OPN5: variants seen among roughly 807,000 people sequenced by gnomAD.
OPN5 encodes opsin 5, also known as opsin-5.
In OPN5, 18 loss-of-function variants were observed where a neutral mutation model predicts 41.7. That is an observed-to-expected ratio of 0.43 (90% CI 0.30 to 0.64). The LOEUF (loss-of-function observed/expected upper bound fraction) is 0.64, where lower values mean the gene tolerates loss of function less well. OPN5 is among the 30% of genes least tolerant of loss of function. The probability of loss-of-function intolerance (pLI) is 0.13; values close to 1 mark genes in which losing one functional copy is unlikely to be tolerated. For synonymous variants in OPN5, 178 were observed against 164.3 expected (o/e 1.08, Z -0.64); for missense variants, 318 against 434.5 (o/e 0.73, Z 2.38).
intron 2 of OPN5, among the ~76,000 whole-genome samples, chr6:47,790,567 G>A (rs1773338405): frequency 6.6e-6 from 1 of 152,052 alleles, no homozygotes; most frequent in African/African-American, 2.4e-5. Context: ...GGTTTCTTAA[G>A]GACTTTTTAT....
chr6:47,814,262 T>G lies in OPN5; in HGVS notation c.1056+2531T>G, dbSNP rs368874476. On this transcript the variant is annotated intron_variant, in intron 6 of 6. Transcript: ENST00000371211. ...GAAAAGGAGAAAAGAACACTCAGGT[T>G]GGTGTAGATTTGTCTAGAAGGTGGA... Among the ~76,000 whole-genome samples, 7 of 152,004 alleles carry G rather than the reference T, an allele frequency of 4.6e-5. No homozygotes were observed. In the South Asian group the frequency reaches 8.3e-4, roughly 18 times the overall value.
chr6:47,806,960 C>G (rs1239263274), intron 4 of OPN5, among the ~76,000 whole-genome samples: 2 of 152,118 alleles, frequency 1.3e-5, no homozygotes, highest in Non-Finnish European at 2.9e-5. Context: ...GAGTTCGAGA[C>G]CAGCCTGGCC....
chr6:47,807,224 TAA>T (rs1774004475), intron 4 of OPN5, among the ~76,000 whole-genome samples: 1 of 152,168 alleles, frequency 6.6e-6, no homozygotes, highest in African/African-American at 2.4e-5. Context: ...GCCACTTAAA[TAA>T]TATTCAGCCT....
At chr6:47,799,108 C>CT (rs1402632724) in intron 4 of OPN5, among the ~76,000 whole-genome samples, 3 of 151,466 alleles carry the variant, frequency 2.0e-5, no homozygotes, top group African/African-American at 7.3e-5. Flanking sequence ...TACTTTGTAG[C>CT]TTTTTTCTAA....
At chr6:47,802,178 C>G (rs1283297028) in intron 4 of OPN5, among the ~76,000 whole-genome samples, 1 of 152,144 alleles carries the variant, frequency 6.6e-6, no homozygotes, top group African/African-American at 2.4e-5. Context: ...TGGGCACCAG[C>G]CCTCAGTGTG....
At chr6:47,817,856 C>T (rs570544591) in intron 6 of OPN5, among the ~76,000 whole-genome samples, 3 of 152,050 alleles carry the variant, frequency 2.0e-5, no homozygotes, top group Non-Finnish European at 4.4e-5. Context: ...GTATGTTTCA[C>T]CCTCAGGACA....
At chr6:47,795,422 C>G (rs1773516906) in exon 4 of OPN5, 1 of 1,614,190 alleles carries the variant, frequency 6.2e-7, no homozygotes, top group Non-Finnish European at 8.5e-7. Flanking sequence ...ACATCCTCTT[C>G]TTCTGCCTCT....
intron 4 of OPN5, among the ~76,000 whole-genome samples, chr6:47,797,660 A>G (rs1458182866): frequency 6.6e-6 from 1 of 152,216 alleles, no homozygotes; most frequent in African/African-American, 2.4e-5. Flanking sequence ...TACTTTGCAT[A>G]CAGTTGCTGA....
intron 5 of OPN5, among the ~76,000 whole-genome samples, chr6:47,810,769 G>A (rs1428483171): frequency 6.6e-6 from 1 of 152,166 alleles, no homozygotes; most frequent in Non-Finnish European, 1.5e-5. Flanking sequence ...AACAAATGTG[G>A]CCAAGAGCTC....
At chr6:47,792,042 T>G (rs1303596344) in intron 3 of OPN5, 70 bp downstream of exon 3, 13 of 1,043,166 alleles carry the variant, frequency 1.2e-5, no homozygotes, top group Non-Finnish European at 1.7e-5. Context: ...CTGTACATAT[T>G]TTATGCAGGT....
At chr6:47,792,989 T>TC (rs1252001444) in intron 3 of OPN5, among the ~76,000 whole-genome samples, 1 of 151,398 alleles carries the variant, frequency 6.6e-6, no homozygotes, top group Non-Finnish European at 1.5e-5. Context: ...TACGTTTTTT[T>TC]TTTTTTTTTT....
At chr6:47,787,051 A>T in intron 2 of OPN5, 1 of 988,820 alleles carries the variant, frequency 1.0e-6, no homozygotes, top group South Asian at 4.7e-5. Flanking sequence ...CTTGAAGGGT[A>T]AATGACAGTT....
rs537936625 is a variant in OPN5 at position 47,784,557 on chromosome 6, CAA to C, written c.131-1956_131-1955del. 2.4e-4 allele frequency among the ~76,000 whole-genome samples: 37 copies of C among 152,200 alleles called. No homozygotes were observed. In the South Asian group the frequency reaches 7.7e-3, roughly 32 times the overall value. ...AAGTGATTTGCCCACCTCAGCCTCCCAAAGTGTTGGGATTACAGGCGTGAGCC... is the reference window on the plus strand; with the variant it reads ...AAGTGATTTGCCCACCTCAGCCTCCCAGTGTTGGGATTACAGGCGTGAGCC... On this transcript the variant is annotated intron_variant, in intron 1 of 6. Transcript: ENST00000371211.
intron 4 of OPN5, among the ~76,000 whole-genome samples, chr6:47,805,863 G>A (rs1773939570): frequency 6.6e-6 from 1 of 152,130 alleles, no homozygotes; most frequent in Admixed American, 6.6e-5. Flanking sequence ...GTTGGGGACG[G>A]GAGTAAAAGG....
At chr6:47,797,904 C>T (rs1020392287) in intron 4 of OPN5, among the ~76,000 whole-genome samples, 1 of 152,154 alleles carries the variant, frequency 6.6e-6, no homozygotes, top group African/African-American at 2.4e-5. Context: ...CTTGTGTATT[C>T]TTGAGGAGTG....
At chr6:47,826,327 C>T (rs1329221952), downstream of OPN5, 1 of 152,082 alleles carries the variant, frequency 6.6e-6, no homozygotes, top group Non-Finnish European at 1.5e-5. Context: ...AGCATGATCC[C>T]CAGAAACCTA....
chr6:47,815,188 G>A (rs567314929), intron 6 of OPN5, among the ~76,000 whole-genome samples: 1 of 152,210 alleles, frequency 6.6e-6, no homozygotes, highest in East Asian at 1.9e-4. Context: ...TAAAATCCAA[G>A]TTTTTGACTT....
At chr6:47,795,168 A>AG (rs1773501883) in intron 3 of OPN5, 61 bp from the exon 4 acceptor site, 2 of 1,220,514 alleles carry the variant, frequency 1.6e-6, no homozygotes, top group Non-Finnish European at 2.3e-6. Flanking sequence ...TGACATATCG[A>AG]GGGGAGGTAT....
intron 2 of OPN5, among the ~76,000 whole-genome samples, chr6:47,790,024 A>G (rs1773318320): frequency 6.6e-6 from 1 of 152,124 alleles, no homozygotes; most frequent in Non-Finnish European, 1.5e-5. Context: ...GTCAAGGAAT[A>G]AATAGTTTAA....
Sources: allele counts gnomAD v4.1 joint callset (sites outside exome capture counted in the v4.1 genomes callset), GRCh38; gene constraint gnomAD v4.1.1; transcripts MANE v1.5; gene names NCBI Gene and HGNC (gene_info 2026-07-23, HGNC 2026-07-21).